The following NRXN1 variants were observed in gnomAD, a reference collection of about 807,000 sequenced individuals.
NRXN1 encodes the protein neurexin-1.
NRXN1 carries 39 observed loss-of-function variants against 150.9 expected under a neutral mutation model. The observed-to-expected ratio is 0.26, with a 90% confidence interval of 0.20 to 0.34. The LOEUF is 0.34. NRXN1 is among the 10% of genes least tolerant of loss of function. The pLI is 1.00. For synonymous variants in NRXN1, 924 were observed against 757.0 expected, an observed-to-expected ratio of 1.22 and a Z score of -3.62; for missense variants, 1,815 against 1,949.9, an observed-to-expected ratio of 0.93 and a Z score of 1.30.
chr2:50,299,165 A>G (rs10177131), intron 17 of NRXN1, among the ~76,000 whole-genome samples: 6,447 of 152,234 alleles, frequency 0.042, 478 homozygotes, highest in African/African-American at 0.15. Flanking sequence ...TTCTGGCTTT[A>G]TACAATTGCA....
intron 5 of NRXN1, among the ~76,000 whole-genome samples, chr2:50,830,139 G>A (rs192089905): frequency 3.3e-4 from 50 of 151,276 alleles, no homozygotes; most frequent in African/African-American, 1.2e-3. Flanking sequence ...TTCTTTACTG[G>A]CAAATGCAGC....
chr2:50,389,398 G>T (rs1471052747), intron 17 of NRXN1, among the ~76,000 whole-genome samples: 1 of 150,868 alleles, frequency 6.6e-6, no homozygotes, highest in Non-Finnish European at 1.5e-5. Context: ...CTGAGACAAT[G>T]TCCACCAGCA....
chr2:50,973,241 C>A (rs1168335016), intron 2 of NRXN1, among the ~76,000 whole-genome samples: 1 of 152,100 alleles, frequency 6.6e-6, no homozygotes, highest in East Asian at 1.9e-4. Context: ...AATGCAGAAC[C>A]ATTAGCTAAA....
chr2:50,007,872 C>A (rs991226003), intron 21 of NRXN1, among the ~76,000 whole-genome samples: 10 of 152,106 alleles, frequency 6.6e-5, no homozygotes, highest in Non-Finnish European at 1.5e-4. Flanking sequence ...GTTCCTATTT[C>A]TCCACATCCT....
intron 5 of NRXN1, among the ~76,000 whole-genome samples, chr2:50,855,474 G>T (rs139905903): frequency 1.3e-5 from 2 of 151,938 alleles, no homozygotes; most frequent in African/African-American, 2.4e-5. Context: ...TATGGTCTTT[G>T]TAATACTCCA....
chr2:50,672,138 A>G (rs1286577230), intron 5 of NRXN1, among the ~76,000 whole-genome samples: 1 of 151,940 alleles, frequency 6.6e-6, no homozygotes, highest in Non-Finnish European at 1.5e-5. Context: ...TAATACCATT[A>G]ATCTCTGTTG....
chr2:50,389,680 G>A (rs1042754707), intron 17 of NRXN1, among the ~76,000 whole-genome samples: 1 of 152,014 alleles, frequency 6.6e-6, no homozygotes, highest in African/African-American at 2.4e-5. Flanking sequence ...ATAATTTTAA[G>A]TTAATAAATT....
intron 17 of NRXN1, among the ~76,000 whole-genome samples, chr2:50,465,102 A>G (rs2088678122): frequency 6.6e-6 from 1 of 151,912 alleles, no homozygotes; most frequent in African/African-American, 2.4e-5. Flanking sequence ...TATGAAATTA[A>G]GTATTATTTA....
intron 5 of NRXN1, among the ~76,000 whole-genome samples, chr2:50,858,060 G>A (rs913762439): frequency 4.6e-5 from 7 of 151,564 alleles, no homozygotes; most frequent in Middle Eastern, 3.2e-3. Flanking sequence ...AAAGTAGCAG[G>A]GGAAAAGGCT....
chr2:49,955,258 T>C (rs1320303184), intron 21 of NRXN1, among the ~76,000 whole-genome samples: 1 of 152,108 alleles, frequency 6.6e-6, no homozygotes, highest in African/African-American at 2.4e-5. Flanking sequence ...AAGTATAGAT[T>C]ATTTTCTAGG....
chr2:50,513,635 C>A (rs1445367739), intron 12 of NRXN1, among the ~76,000 whole-genome samples: 9 of 152,040 alleles, frequency 5.9e-5, no homozygotes. Context: ...GTGCAAATAT[C>A]TTGTGAACAA....
At chr2:50,915,503 T>A (rs991367992) in intron 5 of NRXN1, among the ~76,000 whole-genome samples, 3 of 151,596 alleles carry the variant, frequency 2.0e-5, no homozygotes, top group Non-Finnish European at 4.4e-5. Context: ...AAGATAAATG[T>A]TAAAGTGTAA....
intron 5 of NRXN1, among the ~76,000 whole-genome samples, chr2:50,655,954 C>G (rs185010023): frequency 6.5e-4 from 99 of 151,952 alleles, no homozygotes; most frequent in African/African-American, 2.1e-3. Context: ...ACTTTTAAAC[C>G]TAATTACCGA....
chr2:50,963,582 C>T (rs376112077), intron 2 of NRXN1, among the ~76,000 whole-genome samples: 1 of 151,682 alleles, frequency 6.6e-6, no homozygotes, highest in South Asian at 2.1e-4. Flanking sequence ...ACAAGTGACA[C>T]AGAGAATTCT....
chr2:50,158,401 T>C (rs745362106), intron 18 of NRXN1, among the ~76,000 whole-genome samples: 10 of 151,776 alleles, frequency 6.6e-5, no homozygotes, highest in Non-Finnish European at 1.3e-4. Context: ...TACATTTTCT[T>C]ACAAGCATTT....
intron 17 of NRXN1, among the ~76,000 whole-genome samples, chr2:50,343,002 A>C (rs1331500396): frequency 6.6e-6 from 1 of 152,232 alleles, no homozygotes; most frequent in East Asian, 1.9e-4. Flanking sequence ...AAACATTATA[A>C]ATTCAAGATA....
chr2:50,193,418 T>A (rs1469322567), intron 18 of NRXN1, among the ~76,000 whole-genome samples: 1 of 152,332 alleles, frequency 6.6e-6, no homozygotes, highest in East Asian at 1.9e-4. Context: ...TGCTGTGTTA[T>A]CATTTAGGCA....
At chr2:50,621,114 G>A (rs1679937155) in intron 7 of NRXN1, 112 bp downstream of exon 7, 1 of 902,650 alleles carries the variant, frequency 1.1e-6, no homozygotes, top group South Asian at 1.9e-5. Flanking sequence ...ACCAACCGCA[G>A]TTCCTCTTTT....
chr2:50,019,078 C>T (rs2152556899), intron 21 of NRXN1, among the ~76,000 whole-genome samples: 1 of 152,286 alleles, frequency 6.6e-6, no homozygotes. Flanking sequence ...ATGACTCTCC[C>T]TGTTTTGCAA....
Sources: allele counts gnomAD v4.1 joint callset (sites outside exome capture counted in the v4.1 genomes callset), GRCh38; gene constraint gnomAD v4.1.1; transcripts MANE v1.5; gene names NCBI Gene and HGNC (gene_info 2026-07-23, HGNC 2026-07-21).